ADGB: variants seen among roughly 807,000 people sequenced by gnomAD.
The protein encoded by ADGB is androglobin.
A neutral mutation model predicts 210.5 loss-of-function variants in ADGB; 172 were observed. That is an observed-to-expected ratio of 0.82 (90% CI 0.72 to 0.93). ADGB has a LOEUF of 0.93. ADGB is among the 40% of genes least tolerant of loss of function. The pLI is 0.00. For synonymous variants in ADGB, 658 were observed against 662.7 expected, an observed-to-expected ratio of 0.99 and a Z score of 0.11; for missense variants, 2,025 against 1,964.8, an observed-to-expected ratio of 1.03 and a Z score of -0.58.
At chr6:146,736,745 T>C (rs73575939) in intron 23 of ADGB, among the ~76,000 whole-genome samples, 154 bp downstream of exon 23, 9,272 of 152,224 alleles carry the variant, frequency 0.061, 951 homozygotes, top group African/African-American at 0.21. Context: ...CTGAAACATT[T>C]CTATGGTACT....
rs571848859 is a variant in ADGB, at chr6:146,706,255, C to CT, written c.1707+5190dup. Among the ~76,000 whole-genome samples the CT allele has an allele frequency of 2.5e-4, 37 of 145,554 alleles. No homozygotes were observed. The South Asian group carries it at 7.3e-3, about 29-fold the overall frequency. On this transcript the variant is annotated intron_variant, in intron 13 of 35. Coordinates refer to ENST00000397944, the MANE Select transcript of ADGB (RefSeq NM_024694.4). ...CAGTTTTTTGTTTTTTTTTTCTTTT[C>CT]TTTTTCTTTTTTTTTTCTTTTTTGA... is the stretch of plus-strand genomic sequence containing the variant.
intron 3 of ADGB, among the ~76,000 whole-genome samples, chr6:146,647,098 C>CAAAAAAAAAAAAA (rs1324247046): frequency 7.9e-6 from 1 of 126,446 alleles, no homozygotes; most frequent in South Asian, 2.5e-4. Context: ...CAAAAAAAAA[C>CAAAAAAAAAAAAA]AAAAAACAAA....
At chr6:146,805,427 T>C (rs140501942) in intron 35 of ADGB, among the ~76,000 whole-genome samples, 74 of 152,302 alleles carry the variant, frequency 4.9e-4, no homozygotes, top group African/African-American at 1.7e-3. Flanking sequence ...TGCTACGAGG[T>C]ACCTGGAAGA....
intron 26 of ADGB, among the ~76,000 whole-genome samples, chr6:146,749,000 C>T (rs927326919): frequency 6.6e-6 from 1 of 152,154 alleles, no homozygotes; most frequent in African/African-American, 2.4e-5. Context: ...CATTGTGAAG[C>T]ACTGGGGGTT....
intron 17 of ADGB, among the ~76,000 whole-genome samples, chr6:146,722,719 G>A (rs532283443): frequency 3.3e-5 from 5 of 152,214 alleles, no homozygotes; most frequent in African/African-American, 1.2e-4. Context: ...TGATGACCTT[G>A]CTGCTGATCT....
At position 146,776,562 on chromosome 6, in the gene ADGB, G is replaced by A. The variant is rs537967738; in HGVS notation, c.3863-5458G>A. On this transcript the variant is annotated intron_variant, in intron 29 of 35. Coordinates refer to ENST00000397944, the MANE Select transcript of ADGB (RefSeq NM_024694.4). ...AGAAGAAGGATGGCACATACCTGCC[G>A]TGTGCCTGACATTTTAGTAGGTACT... Among the ~76,000 whole-genome samples, 7 of 152,228 alleles carry A rather than the reference G, an allele frequency of 4.6e-5. No homozygotes were observed. In the South Asian group the frequency reaches 6.2e-4, roughly 14 times the overall value.
In ADGB at chr6:146,599,239, G is replaced by C. The variant is rs1297941040; in HGVS notation, c.74+125G>C. 4 of 825,708 alleles carry C rather than the reference G, an allele frequency of 4.8e-6. No individual in the cohort carries two copies. The East Asian group carries it at 1.1e-4, about 22-fold the overall frequency. The allele number at this position is 825,708 out of a possible 1,614,324, so 51.1% of individuals were successfully genotyped here. A position where few individuals can be genotyped will look rare whatever the true frequency, so the allele number is the denominator to read the frequency against. On this transcript the variant is annotated intron_variant, in intron 1 of 35. Transcript: ENST00000397944. The stretch of plus-strand genomic sequence containing the variant: ...AAGTTTAGTGGCCTCCTCGCAGCTT[G>C]TCTTCTCTGGTAAACCAGATCCTGG...
In ADGB at chr6:146,647,106, A is replaced by AAAC. The variant is rs1562263792; in HGVS notation, c.330+2243_330+2244insCAA. On this transcript the variant is annotated intron_variant, in intron 3 of 35. Coordinates refer to ENST00000397944, the MANE Select transcript of ADGB (RefSeq NM_024694.4). ...CCTGTCTCAAAAAAAAACAAAAAAC[A>AAAC]AAAAACAAAAAACAAACAAACAAAC... 6.7e-5 allele frequency among the ~76,000 whole-genome samples: 9 copies of AAAC among 134,594 alleles called. No homozygotes were observed. In the East Asian group the frequency reaches 2.1e-3, roughly 31 times the overall value. 88.3% of individuals were successfully genotyped at this position (134,594 alleles called of 152,430 possible).
At chr6:146,658,131 A>T (rs1775810107) in intron 5 of ADGB, among the ~76,000 whole-genome samples, 1 of 152,180 alleles carries the variant, frequency 6.6e-6, no homozygotes, top group Non-Finnish European at 1.5e-5. Context: ...AGGGCCAATA[A>T]TGAGAAATTG....
chr6:146,616,252 T>C (rs1454614120), intron 1 of ADGB, among the ~76,000 whole-genome samples: 1 of 134,002 alleles, frequency 7.5e-6, no homozygotes, highest in Non-Finnish European at 1.6e-5. Flanking sequence ...GCCTATTTTT[T>C]AATTGTATTA....
At chr6:146,801,507 A>G (rs1484553969) in intron 34 of ADGB, among the ~76,000 whole-genome samples, 1 of 152,214 alleles carries the variant, frequency 6.6e-6, no homozygotes, top group Admixed American at 6.5e-5. Flanking sequence ...AAACATCATC[A>G]AAATTATTAG....
At chr6:146,780,066 T>C (rs1562298861) in intron 29 of ADGB, among the ~76,000 whole-genome samples, 2 of 151,942 alleles carry the variant, frequency 1.3e-5, no homozygotes, top group Admixed American at 1.3e-4. Context: ...TACATATGTA[T>C]AAAGATGAAA....
chr6:146,672,185 C>T (rs868367400), intron 7 of ADGB, 35 bp from the exon 8 acceptor site: 5 of 1,439,978 alleles, frequency 3.5e-6, no homozygotes, highest in South Asian at 3.1e-5. Flanking sequence ...AAAAAAACAT[C>T]GTTTGGAAAT....
In ADGB at chr6:146,782,933, T is replaced by C. The variant is rs577730694; in HGVS notation, c.4035+741T>C. On this transcript the variant is annotated intron_variant, in intron 30 of 35. Coordinates refer to ENST00000397944, the MANE Select transcript of ADGB (RefSeq NM_024694.4). ...ACAAAATCTTCCCACCATTTATGCC[T>C]AGGTTAAGCAGGACTGGAACTAGGG... Among the ~76,000 whole-genome samples, 5 of 152,238 alleles carry C rather than the reference T, an allele frequency of 3.3e-5. No individual in the cohort carries two copies. The South Asian group carries it at 8.3e-4, about 25-fold the overall frequency.
At chr6:146,703,321 A>T (rs1464873187) in intron 13 of ADGB, among the ~76,000 whole-genome samples, 2 of 151,876 alleles carry the variant, frequency 1.3e-5, no homozygotes, top group Non-Finnish European at 2.9e-5. Flanking sequence ...TATATAGCTG[A>T]ATAACTAAAT....
At chr6:146,674,881 A>G (rs1776066012) in intron 8 of ADGB, among the ~76,000 whole-genome samples, 1 of 152,108 alleles carries the variant, frequency 6.6e-6, no homozygotes, top group Non-Finnish European at 1.5e-5. Flanking sequence ...ATTTTTTTCT[A>G]TTTATAATTT....
chr6:146,693,349 G>GCA (rs1031279244), intron 12 of ADGB, among the ~76,000 whole-genome samples: 34 of 152,150 alleles, frequency 2.2e-4, no homozygotes, highest in African/African-American at 8.0e-4. Context: ...GTCTGTCCAG[G>GCA]CACACACACA....
intron 25 of ADGB, among the ~76,000 whole-genome samples, chr6:146,742,089 G>T (rs537080958): frequency 6.6e-6 from 1 of 152,074 alleles, no homozygotes; most frequent in South Asian, 2.1e-4. Context: ...ATAAATGAAG[G>T]ATACATTTAA....
intron 1 of ADGB, among the ~76,000 whole-genome samples, chr6:146,618,373 G>T (rs185970305): frequency 6.6e-6 from 1 of 151,574 alleles, no homozygotes; most frequent in Admixed American, 6.6e-5. Context: ...GTCAGAAATA[G>T]CTCTGATATT....
Sources: allele counts gnomAD v4.1 joint callset (sites outside exome capture counted in the v4.1 genomes callset), GRCh38; gene constraint gnomAD v4.1.1; transcripts MANE v1.5; gene names NCBI Gene and HGNC (gene_info 2026-07-23, HGNC 2026-07-21).